Variants in COL25A1 observed in about 807,000 individuals in gnomAD.
COL25A1 encodes the protein collagen alpha-1(XXV) chain.
COL25A1 carries 103 observed loss-of-function variants against 128.4 expected under a neutral mutation model. The ratio of observed to expected loss-of-function variants is 0.80; its 90% CI spans 0.68 to 0.94. The LOEUF (loss-of-function observed/expected upper bound fraction) is 0.94, where lower values mean the gene tolerates loss of function less well. Ranked by LOEUF, COL25A1 falls within the 40% of genes least tolerant of loss-of-function variation. The probability of loss-of-function intolerance (pLI) is 0.00; values close to 1 mark genes in which losing one functional copy is unlikely to be tolerated. For missense variants in COL25A1, 745 were observed against 840.0 expected, an observed-to-expected ratio of 0.89 and a Z score of 1.40; for synonymous variants, 279 against 277.2, an observed-to-expected ratio of 1.01 and a Z score of -0.06.
intron 8 of COL25A1, among the ~76,000 whole-genome samples, chr4:108,974,065 T>C (rs1752186255): frequency 6.6e-6 from 1 of 152,244 alleles, no homozygotes; most frequent in African/African-American, 2.4e-5. Flanking sequence ...CATGCAAATC[T>C]GAAGGACTCA....
chr4:109,137,379 T>A (rs1015723607), intron 3 of COL25A1, among the ~76,000 whole-genome samples: 45 of 152,202 alleles, frequency 3.0e-4, no homozygotes, highest in African/African-American at 1.0e-3. Flanking sequence ...ATATCCTGTA[T>A]AAAACTTGTA....
intron 3 of COL25A1, among the ~76,000 whole-genome samples, chr4:109,122,343 T>C (rs777431743): frequency 1.3e-5 from 2 of 151,996 alleles, no homozygotes; most frequent in Non-Finnish European, 2.9e-5. Context: ...GCATGGGATG[T>C]TGATAGCACA....
At position 109,300,654 on chromosome 4, in the gene COL25A1, T is replaced by C. The variant is rs756856075; in HGVS notation, c.298-2A>G. On this transcript the variant is annotated splice_acceptor_variant, in intron 2 of 37. Transcript: ENST00000399132. LOFTEE classifies it high-confidence loss of function. ...TTTAGCCATATGTTCATAGGATTTC[T>C]GTAGGAAAAGAAGAGTTATTAATAA... The C allele has an allele frequency of 1.9e-6, 3 of 1,604,466 alleles. No homozygotes were observed. The South Asian group carries it at 3.3e-5, about 18-fold the overall frequency.
chr4:108,859,767 T>C lies in COL25A1; in HGVS notation c.1243-34A>G, dbSNP rs747924590. On this transcript the variant is annotated intron_variant, in intron 23 of 37. Transcript: ENST00000399132. ...AAACCAATCAAGGGAAAATCATGGGTATTAGCTTAGCATGTAGGGTGGACT... is the reference window on the plus strand; with the variant it reads ...AAACCAATCAAGGGAAAATCATGGGCATTAGCTTAGCATGTAGGGTGGACT... 9.8e-6 allele frequency: 15 copies of C among 1,537,942 alleles called. No individual in the cohort carries two copies. The Admixed American group carries it at 2.5e-4, about 26-fold the overall frequency.
chr4:109,197,742 T>C (rs527476255), intron 3 of COL25A1, among the ~76,000 whole-genome samples: 8 of 151,644 alleles, frequency 5.3e-5, no homozygotes, highest in Middle Eastern at 3.4e-3. Context: ...AACTAATAAT[T>C]TGTAAGACTC....
chr4:108,957,374 A>G (rs1298413692), intron 8 of COL25A1, among the ~76,000 whole-genome samples: 2 of 152,170 alleles, frequency 1.3e-5, no homozygotes, highest in Non-Finnish European at 2.9e-5. Flanking sequence ...TGGTGTATTC[A>G]GTTTAGGCTG....
At chr4:109,213,330 A>G (rs532514335) in intron 3 of COL25A1, among the ~76,000 whole-genome samples, 7 of 152,302 alleles carry the variant, frequency 4.6e-5, no homozygotes. Flanking sequence ...TTAAAAGATG[A>G]GATCCATGTT....
chr4:109,164,884 C>A (rs1196999118), intron 3 of COL25A1, among the ~76,000 whole-genome samples: 1 of 152,140 alleles, frequency 6.6e-6, no homozygotes, highest in Non-Finnish European at 1.5e-5. Flanking sequence ...CCACCACTTT[C>A]TTGCTTTTCT....
chr4:109,266,038 G>A (rs1233854946), intron 3 of COL25A1, among the ~76,000 whole-genome samples: 1 of 151,902 alleles, frequency 6.6e-6, no homozygotes, highest in Non-Finnish European at 1.5e-5. Context: ...TTTAAAACAG[G>A]TCGACTCTTG....
At chr4:109,155,328 T>C (rs1054110835) in intron 3 of COL25A1, among the ~76,000 whole-genome samples, 1 of 152,190 alleles carries the variant, frequency 6.6e-6, no homozygotes, top group Non-Finnish European at 1.5e-5. Context: ...ATACATACTT[T>C]GGTCTCCAAT....
rs115600665 is a variant in COL25A1 at position 109,089,615 on chromosome 4, T to A, written c.368-39436A>T. 5.8e-3 allele frequency among the ~76,000 whole-genome samples: 881 copies of A among 151,492 alleles called. 12 individuals carry two copies. Among genetic ancestry groups the A allele is most frequent in the African/African-American group, 0.02 (814 of 41,394 alleles). ...ACTTGAGTATATTTTTTAAAAATAT[T>A]TTTTTTTTGAGACAAGATCTTGCTC... On this transcript the variant is annotated intron_variant, in intron 3 of 37. Transcript: ENST00000399132.
At chr4:109,295,702 C>T (rs1724907803) in intron 3 of COL25A1, among the ~76,000 whole-genome samples, 1 of 152,000 alleles carries the variant, frequency 6.6e-6, no homozygotes, top group South Asian at 2.1e-4. Context: ...AAAGAGTACA[C>T]AACCATCAAG....
intron 8 of COL25A1, among the ~76,000 whole-genome samples, chr4:108,944,998 C>T (rs896264841): frequency 2.6e-5 from 4 of 152,106 alleles, no homozygotes; most frequent in African/African-American, 9.7e-5. Context: ...TATATTCTAA[C>T]AAAAATCCCA....
chr4:109,239,368 GTGTGTGTA>G (rs1287502199), intron 3 of COL25A1, among the ~76,000 whole-genome samples: 3 of 95,512 alleles, frequency 3.1e-5, no homozygotes, highest in African/African-American at 5.0e-5. Context: ...TATTATATAT[GTGTGTGTA>G]TGTGTGTGTG....
intron 3 of COL25A1, among the ~76,000 whole-genome samples, chr4:109,130,851 C>G (rs1288488192): frequency 1.3e-5 from 2 of 152,150 alleles, no homozygotes; most frequent in African/African-American, 4.8e-5. Context: ...ATTAAAAATA[C>G]ATATTTATTT....
At chr4:108,936,586 T>C (rs1282969920) in intron 11 of COL25A1, among the ~76,000 whole-genome samples, 1 of 151,496 alleles carries the variant, frequency 6.6e-6, no homozygotes, top group Non-Finnish European at 1.5e-5. Flanking sequence ...AACAAAAAAA[T>C]TGTATCTTGA....
chr4:109,073,986 T>C (rs1169161373), intron 3 of COL25A1, among the ~76,000 whole-genome samples: 1 of 152,214 alleles, frequency 6.6e-6, no homozygotes, highest in Non-Finnish European at 1.5e-5. Flanking sequence ...GTCCCCAACC[T>C]TTTTGGCACC....
chr4:108,920,665 A>G (rs927124012), intron 11 of COL25A1, 61 bp from the exon 12 acceptor site: 13 of 1,243,180 alleles, frequency 1.0e-5, no homozygotes, highest in Admixed American at 7.4e-5. Context: ...TAGATGACCA[A>G]TTTAAACTGT....
rs371403456 is a variant in COL25A1 at position 109,000,444 on chromosome 4, G to A, written c.438+9914C>T. On this transcript the variant is annotated intron_variant, in intron 6 of 37. Transcript: ENST00000399132. Reference sequence around the variant, plus strand: ...AAGTCCATGCCCCTCTATTTTAATTGTAAAGTGTTATATAAAAAGTGCCAG... The same window carrying A: ...AAGTCCATGCCCCTCTATTTTAATTATAAAGTGTTATATAAAAAGTGCCAG... Among the ~76,000 whole-genome samples, 48 of 152,178 alleles carry A rather than the reference G, an allele frequency of 3.2e-4. No homozygotes were observed. In the South Asian group the frequency reaches 1.0e-2, roughly 32 times the overall value.
Sources: gnomAD v4.1 joint callset for allele counts (sites outside exome capture counted in the v4.1 genomes callset) on GRCh38, gnomAD v4.1.1 for gene constraint, MANE v1.5 for transcripts, NCBI Gene and HGNC (gene_info 2026-07-23, HGNC 2026-07-21) for gene names.